Variants in ST6GALNAC3 observed in about 807,000 individuals in gnomAD.
ST6GALNAC3 encodes alpha-N-acetylgalactosaminide alpha-2,6-sialyltransferase 3.
ST6GALNAC3 carries 25 observed loss-of-function variants against 32.7 expected under a neutral mutation model. The ratio of observed to expected loss-of-function variants is 0.76; its 90% CI spans 0.56 to 1.07. The LOEUF (loss-of-function observed/expected upper bound fraction) is 1.07, where lower values mean the gene tolerates loss of function less well. Ranked by LOEUF, ST6GALNAC3 falls within the 50% of genes least tolerant of loss-of-function variation. ST6GALNAC3 has a pLI of 0.00. For missense variants in ST6GALNAC3, 355 were observed against 382.4 expected (o/e 0.93, Z 0.60); for synonymous variants, 129 against 133.1 (o/e 0.97, Z 0.21).
At chr1:76,394,528 A>G (rs1004288692) in intron 2 of ST6GALNAC3, among the ~76,000 whole-genome samples, 3 of 152,168 alleles carry the variant, frequency 2.0e-5, no homozygotes, top group Admixed American at 2.0e-4. Context: ...TATGGCCACT[A>G]TATGATAAAT....
intron 3 of ST6GALNAC3, among the ~76,000 whole-genome samples, chr1:76,609,674 C>T (rs1647791338): frequency 6.6e-6 from 1 of 152,042 alleles, no homozygotes; most frequent in Non-Finnish European, 1.5e-5. Flanking sequence ...AGTATATTTT[C>T]TTCTTAAAGA....
At chr1:76,459,915 C>G (rs565360725) in intron 3 of ST6GALNAC3, among the ~76,000 whole-genome samples, 1 of 152,090 alleles carries the variant, frequency 6.6e-6, no homozygotes, top group African/African-American at 2.4e-5. Flanking sequence ...GATGATTTCT[C>G]TTTTGGCTAC....
chr1:76,516,290 A>G (rs1214512613), intron 3 of ST6GALNAC3, among the ~76,000 whole-genome samples: 2 of 152,188 alleles, frequency 1.3e-5, no homozygotes, highest in East Asian at 1.9e-4. Context: ...ATATACATAC[A>G]TACATGTATG....
intron 3 of ST6GALNAC3, among the ~76,000 whole-genome samples, chr1:76,572,864 GAGA>G (rs1362723889): frequency 6.6e-6 from 1 of 152,094 alleles, no homozygotes; most frequent in Non-Finnish European, 1.5e-5. Flanking sequence ...TTGGCAAGGA[GAGA>G]AGAAGATACC....
At chr1:76,628,477 A>G in intron 4 of ST6GALNAC3, 143 bp from the exon 5 acceptor site, 1 of 768,666 alleles carries the variant, frequency 1.3e-6, no homozygotes, top group Non-Finnish European at 1.9e-6. Flanking sequence ...TACATATAAT[A>G]GCTTTTAACT....
rs1376468213 is a variant in ST6GALNAC3 at position 76,236,372 on chromosome 1, A to G, written c.19-77433A>G. On this transcript the variant is annotated intron_variant, in intron 1 of 4. Coordinates refer to ENST00000328299, the MANE Select transcript of ST6GALNAC3 (RefSeq NM_152996.4). ...TTGGAAGAATACAATTCAACCCATG[A>G]CACCACCTCACATGGTTTGGTGTGG... Among the ~76,000 whole-genome samples, 3 of 152,228 alleles carry G rather than the reference A, an allele frequency of 2.0e-5. No homozygotes were observed. In the South Asian group the frequency reaches 6.2e-4, roughly 31 times the overall value.
intron 1 of ST6GALNAC3, among the ~76,000 whole-genome samples, chr1:76,210,992 G>A (rs1475532842): frequency 6.6e-6 from 1 of 152,150 alleles, no homozygotes; most frequent in Non-Finnish European, 1.5e-5. Context: ...CCAGAATGCT[G>A]GGATTACAGG....
chr1:76,629,617 CA>C lies in ST6GALNAC3; in HGVS notation c.*813del. On this transcript the variant is annotated 3_prime_UTR_variant, in exon 5 of 5. Coordinates refer to ENST00000328299, the MANE Select transcript of ST6GALNAC3 (RefSeq NM_152996.4). ...GAAGGCTACTTAACATGTAAGATACCAACTTCAACACTGTAATAACATATAC... is the reference window on the plus strand; with the variant it reads ...GAAGGCTACTTAACATGTAAGATACCACTTCAACACTGTAATAACATATAC... 1.0e-6 allele frequency: 1 copy of C among 984,132 alleles called. No homozygotes were observed. The highest frequency in any genetic ancestry group is 1.2e-6 in the Non-Finnish European group (1 of 828,586). 61.0% of individuals were successfully genotyped at this position (984,132 alleles called of 1,614,324 possible).
chr1:76,380,861 C>T (rs1355290511), intron 2 of ST6GALNAC3, among the ~76,000 whole-genome samples: 1 of 152,100 alleles, frequency 6.6e-6, no homozygotes. Flanking sequence ...TATAATGAGA[C>T]CTAAATAGAA....
intron 1 of ST6GALNAC3, among the ~76,000 whole-genome samples, chr1:76,193,854 T>G (rs1297852735): frequency 6.6e-6 from 1 of 152,212 alleles, no homozygotes; most frequent in Non-Finnish European, 1.5e-5. Flanking sequence ...TCTTACTGTA[T>G]CCTCACGTGG....
At chr1:76,521,497 G>A (rs1480554506) in intron 3 of ST6GALNAC3, among the ~76,000 whole-genome samples, 4 of 152,034 alleles carry the variant, frequency 2.6e-5, no homozygotes, top group Non-Finnish European at 4.4e-5. Flanking sequence ...TGGGATTACA[G>A]TTGTGAGCCA....
rs80327605 is a variant in ST6GALNAC3, at chr1:76,292,234, C to A, written c.19-21571C>A. Among the ~76,000 whole-genome samples, 480 of 152,274 alleles carry A rather than the reference C, an allele frequency of 3.2e-3. 3 individuals carry two copies. Among genetic ancestry groups the A allele is most frequent in the Non-Finnish European group, 5.7e-3 (389 of 68,016 alleles). On this transcript the variant is annotated intron_variant, in intron 1 of 4. Transcript: ENST00000328299. ...TGTTCCATCTCATGAGATGTTAAAA[C>A]ATTCTGAGTCCCAATTTAAAATTAT...
At chr1:76,270,471 C>T (rs1219909848) in intron 1 of ST6GALNAC3, among the ~76,000 whole-genome samples, 1 of 136,030 alleles carries the variant, frequency 7.4e-6, no homozygotes, top group Non-Finnish European at 1.5e-5. Context: ...CGCACCACTG[C>T]ACTCCAGCCT....
At chr1:76,525,496 T>C (rs1296066013) in intron 3 of ST6GALNAC3, among the ~76,000 whole-genome samples, 2 of 151,676 alleles carry the variant, frequency 1.3e-5, no homozygotes, top group Non-Finnish European at 2.9e-5. Context: ...CCCTAAGAAG[T>C]GAATCGATGA....
At chr1:76,432,942 G>A (rs915340467) in intron 3 of ST6GALNAC3, among the ~76,000 whole-genome samples, 2 of 152,158 alleles carry the variant, frequency 1.3e-5, no homozygotes, top group African/African-American at 4.8e-5. Flanking sequence ...GATGAAATGT[G>A]GGGGCATCTC....
At position 76,523,295 on chromosome 1, in the gene ST6GALNAC3, T is replaced by A. The variant is rs117662858; in HGVS notation, c.624-104157T>A. ...TCTTATTCATGTTATTCATTTTTTT[T>A]ATAATGTTTGTCTTAATATCTACAT... On this transcript the variant is annotated intron_variant, in intron 3 of 4. Coordinates refer to ENST00000328299, the MANE Select transcript of ST6GALNAC3 (RefSeq NM_152996.4). 1.1e-3 allele frequency among the ~76,000 whole-genome samples: 170 copies of A among 152,286 alleles called. 2 individuals carry two copies. The East Asian group carries it at 0.032, about 29-fold the overall frequency.
intron 2 of ST6GALNAC3, among the ~76,000 whole-genome samples, chr1:76,329,855 C>G (rs1238115822): frequency 3.9e-5 from 6 of 152,024 alleles, no homozygotes; most frequent in African/African-American, 1.4e-4. Flanking sequence ...GTCACCCAGG[C>G]TGGAGTACAG....
intron 3 of ST6GALNAC3, among the ~76,000 whole-genome samples, chr1:76,613,977 T>A (rs542098681): frequency 2.0e-5 from 3 of 152,352 alleles, no homozygotes; most frequent in African/African-American, 7.2e-5. Context: ...CTTAGACACA[T>A]CATGGAGTCT....
At chr1:76,319,127 G>T (rs1646920958) in intron 2 of ST6GALNAC3, among the ~76,000 whole-genome samples, 1 of 152,126 alleles carries the variant, frequency 6.6e-6, no homozygotes, top group Admixed American at 6.6e-5. Flanking sequence ...ATCAGTGAGG[G>T]TGACAGATGT....
Sources: allele counts gnomAD v4.1 joint callset (sites outside exome capture counted in the v4.1 genomes callset), GRCh38; gene constraint gnomAD v4.1.1; transcripts MANE v1.5; gene names NCBI Gene and HGNC (gene_info 2026-07-23, HGNC 2026-07-21).